Variants in MPP4 observed in about 807,000 individuals in gnomAD.
MPP4 encodes the protein MAGUK p55 scaffold protein 4.
In MPP4, 91 loss-of-function variants were observed where a neutral mutation model predicts 98.3. That is an observed-to-expected ratio of 0.93 (90% confidence interval 0.78 to 1.10). The LOEUF (loss-of-function observed/expected upper bound fraction) is 1.10, where lower values mean the gene tolerates loss of function less well. MPP4 is among the 50% of genes least tolerant of loss of function. MPP4 has a pLI of 0.00. For synonymous variants in MPP4, 261 were observed against 271.8 expected (o/e 0.96, Z 0.39); for missense variants, 744 against 792.9 (o/e 0.94, Z 0.74).
At chr2:201,659,548 T>C (rs1043471401) in intron 15 of MPP4, among the ~76,000 whole-genome samples, 14 of 152,192 alleles carry the variant, frequency 9.2e-5, no homozygotes, top group African/African-American at 3.1e-4. Context: ...TGAAATAATA[T>C]ATAGCCAGGT....
chr2:201,649,967 C>A (rs1687670541), intron 19 of MPP4, 105 bp downstream of exon 19: 1 of 1,179,956 alleles, frequency 8.5e-7, no homozygotes, highest in African/African-American at 1.6e-5. Context: ...TCCTCAGAAA[C>A]AAAAGGAATT....
rs555659997 is a variant in MPP4 at position 201,676,341 on chromosome 2, A to G, written c.930-1070T>C. On this transcript the variant is annotated intron_variant, in intron 10 of 21. Coordinates refer to ENST00000409474, the MANE Select transcript of MPP4 (RefSeq NM_033066.3). ...GAACAGTTAGCAGCAGGAGGCATCT[A>G]TGCTATAATCTACAAAGTGATGGAC... Among the ~76,000 whole-genome samples the G allele has an allele frequency of 2.0e-5, 3 of 152,304 alleles. No individual in the cohort carries two copies. The South Asian group carries it at 6.2e-4, about 32-fold the overall frequency.
intron 1 of MPP4, among the ~76,000 whole-genome samples, chr2:201,697,485 T>C (rs1215719858): frequency 6.6e-6 from 1 of 152,230 alleles, no homozygotes; most frequent in Non-Finnish European, 1.5e-5. Flanking sequence ...GTTGCTTATC[T>C]TGTTCATGCT....
intron 19 of MPP4, 45 bp from the exon 20 acceptor site, chr2:201,649,729 A>C (rs759054867): frequency 7.6e-7 from 1 of 1,318,844 alleles, no homozygotes; most frequent in South Asian, 1.3e-5. Context: ...CTACAAGGAA[A>C]ATATTATTAG....
chr2:201,649,946 T>C (rs927130459), intron 19 of MPP4, 126 bp downstream of exon 19: 2 of 975,312 alleles, frequency 2.1e-6, no homozygotes, highest in African/African-American at 3.3e-5. Flanking sequence ...GATGTACATT[T>C]CTTGCTTAAC....
intron 18 of MPP4, 117 bp from the exon 19 acceptor site, chr2:201,650,282 A>T: frequency 7.0e-7 from 1 of 1,433,346 alleles, no homozygotes; most frequent in Non-Finnish European, 9.1e-7. Flanking sequence ...TCAAGGAGAT[A>T]AAATGCTAGA....
Position 201,693,921 on chromosome 2 carries a change from C to T in MPP4, c.34G>A (p.Asp12Asn). ...IQSDKGADPP[D>N]KKDMKLSTAT... ...GTAGAAAGCTTCATGTCCTTCTTGT[C>T]TGGTGGATCTGCTCCTTTGTCTGAC... is the stretch of plus-strand genomic sequence containing the variant. Residue 12 changes from aspartate to asparagine, a missense_variant, in exon 2 of 22, where the codon GAC becomes AAC. Coordinates refer to ENST00000409474, the MANE Select transcript of MPP4 (RefSeq NM_033066.3). 6.2e-7 allele frequency: 1 copy of T among 1,613,998 alleles called. No homozygotes were observed. The highest frequency in any genetic ancestry group is 2.2e-5 in the East Asian group (1 of 44,892).
chr2:201,672,865 T>A (rs1688383956), intron 11 of MPP4, among the ~76,000 whole-genome samples: 1 of 152,172 alleles, frequency 6.6e-6, no homozygotes, highest in Non-Finnish European at 1.5e-5. Context: ...TCACTCATTT[T>A]ATGAGGCCAG....
intron 13 of MPP4, chr2:201,665,246 T>G (rs1688143252): frequency 6.6e-6 from 1 of 152,032 alleles, no homozygotes; most frequent in African/African-American, 2.4e-5. Context: ...TTTTTTCTAT[T>G]TTTTTAGTAG....
intron 8 of MPP4, 88 bp downstream of exon 8, chr2:201,682,743 T>A: frequency 8.9e-7 from 1 of 1,125,686 alleles, no homozygotes; most frequent in Middle Eastern, 2.0e-4. Flanking sequence ...CCCCGGTACA[T>A]CCCAGTGCAC....
chr2:201,681,691 C>G, intron 8 of MPP4, 124 bp from the exon 9 acceptor site: 1 of 714,244 alleles, frequency 1.4e-6, no homozygotes. Flanking sequence ...GAGCCTTTCA[C>G]AAGGGCTCTG....
intron 15 of MPP4, among the ~76,000 whole-genome samples, chr2:201,659,639 C>T (rs1210155589): frequency 6.6e-6 from 1 of 152,096 alleles, no homozygotes; most frequent in African/African-American, 2.4e-5. Flanking sequence ...TCGAGACCAG[C>T]CTACCCAACA....
intron 16 of MPP4, 92 bp from the exon 17 acceptor site, chr2:201,656,460 T>A: frequency 8.0e-7 from 1 of 1,249,502 alleles, no homozygotes; most frequent in Non-Finnish European, 1.1e-6. Context: ...ACCATGATCC[T>A]AAAGTGTTCA....
chr2:201,652,029 A>G lies in MPP4; in HGVS notation c.1382-1864T>C, dbSNP rs571049622. 5 of 975,668 alleles carry G rather than the reference A, an allele frequency of 5.1e-6. No homozygotes were observed. The South Asian group carries it at 2.4e-4, about 46-fold the overall frequency. 60.4% of individuals were successfully genotyped at this position (975,668 alleles called of 1,614,324 possible). On this transcript the variant is annotated intron_variant, in intron 18 of 21. Coordinates refer to ENST00000409474, the MANE Select transcript of MPP4 (RefSeq NM_033066.3). ...ATTTCTTTGGTAGTTTTTGCTTTTC[A>G]GATTAATGCACATTCCTGTACATGA... is the stretch of plus-strand genomic sequence containing the variant.
intron 13 of MPP4, chr2:201,664,446 G>A: frequency 9.5e-7 from 1 of 1,055,776 alleles, no homozygotes; most frequent in Non-Finnish European, 1.3e-6. Context: ...GTTGGATACT[G>A]CTCGGCTTTG....
At chr2:201,693,747 C>A in intron 2 of MPP4, 129 bp downstream of exon 2, 1 of 1,141,112 alleles carries the variant, frequency 8.8e-7, no homozygotes, top group Non-Finnish European at 1.3e-6. Flanking sequence ...GGCAGTAGTG[C>A]AACCAAAAAT....
At chr2:201,658,273 A>C (rs1190256414) in intron 16 of MPP4, among the ~76,000 whole-genome samples, 1 of 152,196 alleles carries the variant, frequency 6.6e-6, no homozygotes, top group Non-Finnish European at 1.5e-5. Flanking sequence ...TTAATAGATA[A>C]CCCAGTGGAA....
rs1687605470 is a variant in MPP4, at chr2:201,647,751, C to T, written c.1659G>A (p.Met553Ile). 1.2e-6 allele frequency: 2 copies of T among 1,613,882 alleles called. No homozygotes were observed. The highest frequency in any genetic ancestry group is 1.1e-5 in the South Asian group (1 of 91,082). Residue 553 changes from methionine to isoleucine, a missense_variant, in exon 21 of 22, where the codon ATG becomes ATA. Physicochemically the swap from Met to Ile is conservative, Grantham distance 10. Coordinates refer to ENST00000409474, the MANE Select transcript of MPP4 (RefSeq NM_033066.3). ...CCTTGGCATTTTTCCGAGATTGTTT[C>T]ATACACCTCATATTCGATGGCTTTA... Reference protein sequence around the residue: ...IFIKPSNMRCMKQSRKNAKVI... With the variant: ...IFIKPSNMRCIKQSRKNAKVI...
chr2:201,654,730 T>C, intron 18 of MPP4, 107 bp downstream of exon 18: 3 of 631,326 alleles, frequency 4.8e-6, no homozygotes, highest in Non-Finnish European at 7.7e-6. Context: ...GAACTATCCC[T>C]GGTGTTGTAT....
Sources: gnomAD v4.1 joint callset for allele counts (sites outside exome capture counted in the v4.1 genomes callset) on GRCh38, gnomAD v4.1.1 for gene constraint, MANE v1.5 for transcripts, NCBI Gene and HGNC (gene_info 2026-07-23, HGNC 2026-07-21) for gene names.